LARS2: variants seen among roughly 807,000 people sequenced by gnomAD.
The protein encoded by LARS2 is leucyl-tRNA synthetase 2, mitochondrial.
A neutral mutation model predicts 116.6 loss-of-function variants in LARS2; 81 were observed. The observed-to-expected ratio is 0.69, with a 90% CI of 0.58 to 0.84. The LOEUF is 0.84. Ranked by LOEUF, LARS2 falls within the 40% of genes least tolerant of loss-of-function variation. The pLI is 0.00. For missense variants in LARS2, 968 were observed against 1,114.5 expected, an observed-to-expected ratio of 0.87 and a Z score of 1.87; for synonymous variants, 396 against 407.2, an observed-to-expected ratio of 0.97 and a Z score of 0.33.
At chr3:45,397,645 C>T (rs1363893045) in intron 3 of LARS2, among the ~76,000 whole-genome samples, 2 of 152,078 alleles carry the variant, frequency 1.3e-5, no homozygotes, top group Non-Finnish European at 2.9e-5. Context: ...AAATGAAAAA[C>T]TAGAAACAGC....
chr3:45,541,813 T>C lies in LARS2; in HGVS notation c.2405-16T>C, dbSNP rs772946493. 7.4e-6 allele frequency: 12 copies of C among 1,613,806 alleles called. No homozygotes were observed. The highest frequency in any genetic ancestry group is 1.7e-5 in the Admixed American group (1 of 59,986). The stretch of plus-strand genomic sequence containing the variant: ...TTCTTAGAGTGACCCCACGCTTCTG[T>C]GCCTCGGCATTGCAGGCCTGGCGCT... On this transcript the variant is annotated splice_polypyrimidine_tract_variant and intron_variant, in intron 20 of 21. Coordinates refer to ENST00000645846, the MANE Select transcript of LARS2 (RefSeq NM_015340.4).
Position 45,474,353 on chromosome 3 carries a change from G to A in LARS2, c.858+3G>A. On this transcript the variant is annotated splice_donor_region_variant and intron_variant, in intron 9 of 21. Coordinates refer to ENST00000645846, the MANE Select transcript of LARS2 (RefSeq NM_015340.4). The stretch of plus-strand genomic sequence containing the variant: ...GCCACCTGGACTTCACATTAAAGGT[G>A]ATTAAGTAATAGCAGCTCCAGCAAT... The A allele has an allele frequency of 6.4e-7, 1 of 1,571,498 alleles. No individual in the cohort carries two copies.
intron 4 of LARS2, among the ~76,000 whole-genome samples, chr3:45,409,348 A>C (rs1698288707): frequency 6.6e-6 from 1 of 152,166 alleles, no homozygotes. Flanking sequence ...CTAACAGGAG[A>C]GTTTGGAGTT....
Position 45,436,459 on chromosome 3 carries a change from T to C in LARS2, c.517-10432T>C, listed in dbSNP as rs150568585. 1.2e-3 allele frequency among the ~76,000 whole-genome samples: 187 copies of C among 152,196 alleles called. 1 individual carries two copies. Among genetic ancestry groups the C allele is most frequent in the Middle Eastern group, 6.8e-3 (2 of 294 alleles). On this transcript the variant is annotated intron_variant, in intron 6 of 21. Coordinates refer to ENST00000645846, the MANE Select transcript of LARS2 (RefSeq NM_015340.4). ...AACTCAAACCAATTAATCTCATCTGTAGTTTAATGGAGGGTTTTCTCTTCC... is the reference window on the plus strand; with the variant it reads ...AACTCAAACCAATTAATCTCATCTGCAGTTTAATGGAGGGTTTTCTCTTCC...
At chr3:45,518,736 A>C (rs1035757803) in intron 18 of LARS2, among the ~76,000 whole-genome samples, 1 of 152,216 alleles carries the variant, frequency 6.6e-6, no homozygotes, top group Non-Finnish European at 1.5e-5. Flanking sequence ...CTGATTTAAA[A>C]AAAAAAAAGT....
In LARS2 at chr3:45,513,186, C is replaced by T. The variant is rs1227394563; in HGVS notation, c.1812C>T (p.Phe604=). Residue 604 remains phenylalanine, a synonymous_variant, in exon 16 of 22, where the codon TTC becomes TTT. Coordinates refer to ENST00000645846, the MANE Select transcript of LARS2 (RefSeq NM_015340.4). ...LAQGLIKGQT[F]RLPSGQYLQR... ...AAGGCCTTATCAAGGGGCAGACATTCCGCCTACCATCTGGACAGTATCTAC... is the reference window on the plus strand; with the variant it reads ...AAGGCCTTATCAAGGGGCAGACATTTCGCCTACCATCTGGACAGTATCTAC... 1.9e-6 allele frequency: 3 copies of T among 1,613,746 alleles called. No individual in the cohort carries two copies. The highest frequency in any genetic ancestry group is 2.5e-6 in the Non-Finnish European group (3 of 1,179,730).
intron 8 of LARS2, among the ~76,000 whole-genome samples, chr3:45,460,244 T>C (rs112616326): frequency 1.8e-4 from 28 of 152,344 alleles, no homozygotes; most frequent in African/African-American, 5.5e-4. Context: ...CCTTGCTCCT[T>C]TTAAGCACAG....
chr3:45,477,106 T>C (rs1699626790), intron 10 of LARS2, among the ~76,000 whole-genome samples: 1 of 152,218 alleles, frequency 6.6e-6, no homozygotes, highest in South Asian at 2.1e-4. Flanking sequence ...AGTGTCCTGC[T>C]CCATACAGAG....
At chr3:45,465,689 G>A (rs186669701) in intron 8 of LARS2, among the ~76,000 whole-genome samples, 52 of 152,308 alleles carry the variant, frequency 3.4e-4, no homozygotes, top group African/African-American at 1.1e-3. Flanking sequence ...CTGGGCCTTC[G>A]CTCTGGGATT....
At chr3:45,398,084 T>C (rs920109016) in intron 3 of LARS2, among the ~76,000 whole-genome samples, 16 of 152,246 alleles carry the variant, frequency 1.1e-4, no homozygotes, top group Non-Finnish European at 1.3e-4. Flanking sequence ...ATTTTCTAAT[T>C]TGTGTATGAT....
chr3:45,531,974 T>G (rs2578670), intron 20 of LARS2, among the ~76,000 whole-genome samples: 78,653 of 152,140 alleles, frequency 0.52, 24,254 homozygotes, highest in East Asian at 0.78. Flanking sequence ...CATATTTGTT[T>G]TCTATCCTAA....
intron 4 of LARS2, among the ~76,000 whole-genome samples, chr3:45,402,872 G>A (rs998592189): frequency 2.0e-5 from 3 of 151,974 alleles, no homozygotes; most frequent in Non-Finnish European, 4.4e-5. Flanking sequence ...TTGGGAGGCC[G>A]AAGTGGGCAG....
In LARS2 at chr3:45,537,982, C is replaced by T. The variant is rs562662310; in HGVS notation, c.2405-3847C>T. ...CTTGTGTGCCAGGGCCTTGCCACTT[C>T]CCAGCCTGTGTTTAGACTGTGTGTC... On this transcript the variant is annotated intron_variant, in intron 20 of 21. Coordinates refer to ENST00000645846, the MANE Select transcript of LARS2 (RefSeq NM_015340.4). 1.0e-3 allele frequency among the ~76,000 whole-genome samples: 158 copies of T among 152,356 alleles called. 1 individual carries two copies. Among genetic ancestry groups the T allele is most frequent in the African/African-American group, 3.5e-3 (144 of 41,582 alleles).
chr3:45,457,576 G>C (rs777922808), intron 7 of LARS2, among the ~76,000 whole-genome samples: 10 of 152,136 alleles, frequency 6.6e-5, no homozygotes, highest in Non-Finnish European at 1.0e-4. Context: ...TACCCAGGAG[G>C]CTGAGGCAGG....
At chr3:45,419,295 T>C (rs1248533676) in intron 5 of LARS2, among the ~76,000 whole-genome samples, 1 of 152,244 alleles carries the variant, frequency 6.6e-6, no homozygotes, top group East Asian at 1.9e-4. Flanking sequence ...TTCAGCCACT[T>C]TTAAGCTTAT....
At chr3:45,394,734 G>A (rs936992660) in intron 3 of LARS2, 47 bp downstream of exon 3, 5 of 1,366,466 alleles carry the variant, frequency 3.7e-6, no homozygotes, top group Admixed American at 1.8e-5. Context: ...AGGGGTTGAA[G>A]GTTTGGACCC....
chr3:45,458,078 A>G (rs1699243120), intron 7 of LARS2, among the ~76,000 whole-genome samples: 1 of 152,184 alleles, frequency 6.6e-6, no homozygotes, highest in African/African-American at 2.4e-5. Context: ...CGAGTTGTAC[A>G]CTGAAGATTT....
chr3:45,488,966 C>T (rs1185305289), intron 12 of LARS2, among the ~76,000 whole-genome samples, 154 bp downstream of exon 12: 1 of 152,226 alleles, frequency 6.6e-6, no homozygotes, highest in Non-Finnish European at 1.5e-5. Flanking sequence ...TAATATTCTT[C>T]AAGATCTAGA....
chr3:45,471,507 C>G (rs1308584048), intron 8 of LARS2, among the ~76,000 whole-genome samples: 1 of 152,150 alleles, frequency 6.6e-6, no homozygotes, highest in Non-Finnish European at 1.5e-5. Context: ...AGTTTCCCAG[C>G]CTTGACGATT....
Sources: gnomAD v4.1 joint callset for allele counts (sites outside exome capture counted in the v4.1 genomes callset) on GRCh38, gnomAD v4.1.1 for gene constraint, MANE v1.5 for transcripts, NCBI Gene and HGNC (gene_info 2026-07-23, HGNC 2026-07-21) for gene names.